KCNH8: variants seen among roughly 807,000 people sequenced by gnomAD.
KCNH8 encodes voltage-gated delayed rectifier potassium channel KCNH8.
KCNH8 carries 70 observed loss-of-function variants against 103.6 expected under a neutral mutation model. That is an observed-to-expected ratio of 0.68 (90% CI 0.56 to 0.82). The LOEUF (loss-of-function observed/expected upper bound fraction) is 0.82, where lower values mean the gene tolerates loss of function less well. KCNH8 is among the 40% of genes least tolerant of loss of function. The pLI is 0.00. For synonymous variants in KCNH8, 498 were observed against 489.4 expected, an observed-to-expected ratio of 1.02 and a Z score of -0.23; for missense variants, 1,217 against 1,329.9, an observed-to-expected ratio of 0.92 and a Z score of 1.32.
intron 11 of KCNH8, among the ~76,000 whole-genome samples, chr3:19,464,296 T>G (rs1286050946): frequency 1.3e-5 from 2 of 152,150 alleles, no homozygotes; most frequent in Non-Finnish European, 2.9e-5. Flanking sequence ...CAGTTTAGAC[T>G]ATCAATTAAT....
At chr3:19,153,637 T>G (rs1046308019) in intron 1 of KCNH8, among the ~76,000 whole-genome samples, 1 of 142,998 alleles carries the variant, frequency 7.0e-6, no homozygotes, top group Non-Finnish European at 1.5e-5. Context: ...TCTTTTTTCT[T>G]TTTTTTTTTT....
At chr3:19,521,232 C>G (rs1271335421) in intron 15 of KCNH8, among the ~76,000 whole-genome samples, 2 of 151,962 alleles carry the variant, frequency 1.3e-5, no homozygotes, top group Non-Finnish European at 2.9e-5. Flanking sequence ...ACTGTGTGCT[C>G]TGGCACAGCA....
At chr3:19,338,674 T>G (rs977446780) in intron 3 of KCNH8, among the ~76,000 whole-genome samples, 1 of 152,132 alleles carries the variant, frequency 6.6e-6, no homozygotes, top group Non-Finnish European at 1.5e-5. Context: ...TACATACAGT[T>G]TTACAGCAGT....
intron 15 of KCNH8, among the ~76,000 whole-genome samples, chr3:19,526,403 G>T (rs755569000): frequency 6.6e-6 from 1 of 151,908 alleles, no homozygotes; most frequent in Non-Finnish European, 1.5e-5. Flanking sequence ...AATATAAAAC[G>T]TATGTAAAAT....
chr3:19,493,339 C>G (rs1363395859), intron 11 of KCNH8, among the ~76,000 whole-genome samples: 1 of 152,104 alleles, frequency 6.6e-6, no homozygotes, highest in Non-Finnish European at 1.5e-5. Context: ...TTGTAATCCC[C>G]AGGTGTTCAT....
At chr3:19,286,670 A>T (rs535773029) in intron 3 of KCNH8, among the ~76,000 whole-genome samples, 1 of 152,320 alleles carries the variant, frequency 6.6e-6, no homozygotes, top group Non-Finnish European at 1.5e-5. Flanking sequence ...CATATACTTT[A>T]AAAAAATCTC....
intron 2 of KCNH8, among the ~76,000 whole-genome samples, chr3:19,270,233 C>T (rs2064569262): frequency 6.6e-6 from 1 of 152,076 alleles, no homozygotes. Context: ...CTCTGTAAAG[C>T]CAAAAATATT....
At chr3:19,249,480 A>G (rs922428495) in intron 1 of KCNH8, among the ~76,000 whole-genome samples, 2 of 152,182 alleles carry the variant, frequency 1.3e-5, no homozygotes, top group Non-Finnish European at 2.9e-5. Flanking sequence ...TTTTTGCAGT[A>G]TATTTGCAGA....
chr3:19,269,355 T>TA (rs879435316), intron 2 of KCNH8, among the ~76,000 whole-genome samples: 6 of 152,088 alleles, frequency 3.9e-5, no homozygotes, highest in Non-Finnish European at 5.9e-5. Flanking sequence ...CCACTATTTT[T>TA]AAAAAAATAC....
chr3:19,423,530 A>T (rs2066981555), intron 7 of KCNH8, among the ~76,000 whole-genome samples: 1 of 151,642 alleles, frequency 6.6e-6, no homozygotes, highest in African/African-American at 2.4e-5. Flanking sequence ...ACAGTATTTC[A>T]TTTTCCATTC....
At chr3:19,526,844 A>G (rs2069073956) in intron 15 of KCNH8, among the ~76,000 whole-genome samples, 1 of 151,994 alleles carries the variant, frequency 6.6e-6, no homozygotes, top group Non-Finnish European at 1.5e-5. Context: ...AATAACAAAA[A>G]GTCATAAGAA....
chr3:19,298,940 AAAAG>A (rs2065029918), intron 3 of KCNH8, among the ~76,000 whole-genome samples: 2 of 151,690 alleles, frequency 1.3e-5, no homozygotes, highest in Admixed American at 6.6e-5. Flanking sequence ...AAAAAAAAAA[AAAAG>A]AGAAACAATT....
At chr3:19,208,957 G>A (rs1475651657) in intron 1 of KCNH8, among the ~76,000 whole-genome samples, 1 of 151,820 alleles carries the variant, frequency 6.6e-6, no homozygotes, top group African/African-American at 2.4e-5. Flanking sequence ...TACTTTCCTT[G>A]TTCAGTAAAC....
At chr3:19,478,406 A>G (rs865797716) in intron 11 of KCNH8, among the ~76,000 whole-genome samples, 10 of 152,190 alleles carry the variant, frequency 6.6e-5, no homozygotes, top group African/African-American at 2.2e-4. Flanking sequence ...ACAATGTATA[A>G]GCATTCCTTT....
At chr3:19,374,976 C>A (rs1321888380) in intron 5 of KCNH8, among the ~76,000 whole-genome samples, 1 of 152,000 alleles carries the variant, frequency 6.6e-6, no homozygotes, top group Admixed American at 6.5e-5. Flanking sequence ...GAGAGATCCG[C>A]TGTTAGTCTG....
chr3:19,393,461 C>A (rs2066469209), intron 6 of KCNH8, among the ~76,000 whole-genome samples: 1 of 151,954 alleles, frequency 6.6e-6, no homozygotes, highest in Admixed American at 6.6e-5. Flanking sequence ...CTCAAACATC[C>A]CCTTTCCGGT....
intron 1 of KCNH8, among the ~76,000 whole-genome samples, chr3:19,202,496 G>A (rs2063672969): frequency 6.6e-6 from 1 of 152,010 alleles, no homozygotes; most frequent in South Asian, 2.1e-4. Context: ...TGTGTTTGCC[G>A]ATAATACAAA....
Position 19,249,513 on chromosome 3 carries a change from A to G in KCNH8, c.77-4141A>G, listed in dbSNP as rs112755788. Among the ~76,000 whole-genome samples the G allele has an allele frequency of 7.9e-3, 1,196 of 152,290 alleles. 20 individuals carry two copies. Among genetic ancestry groups the G allele is most frequent in the African/African-American group, 0.027 (1,118 of 41,560 alleles). On this transcript the variant is annotated intron_variant, in intron 1 of 15. Coordinates refer to ENST00000328405, the MANE Select transcript of KCNH8 (RefSeq NM_144633.3). Reference sequence around the variant, plus strand: ...AGAAAGAATTAACCACCTCAAACACACTATAATCCTTAATTGAAACACACA... The same window carrying G: ...AGAAAGAATTAACCACCTCAAACACGCTATAATCCTTAATTGAAACACACA...
At chr3:19,340,354 T>TC (rs2065643459) in intron 3 of KCNH8, among the ~76,000 whole-genome samples, 1 of 107,634 alleles carries the variant, frequency 9.3e-6, no homozygotes, top group African/African-American at 3.9e-5. Context: ...TATTTTTTTT[T>TC]TAATTTTTTT....
Sources: gnomAD v4.1 joint callset for allele counts (sites outside exome capture counted in the v4.1 genomes callset) on GRCh38, gnomAD v4.1.1 for gene constraint, MANE v1.5 for transcripts, NCBI Gene and HGNC (gene_info 2026-07-23, HGNC 2026-07-21) for gene names.